LRRC28: variants seen among roughly 807,000 people sequenced by gnomAD.
LRRC28 encodes the protein leucine rich repeat containing 28.
LRRC28 carries 39 observed loss-of-function variants against 45.7 expected under a neutral mutation model. The ratio of observed to expected loss-of-function variants is 0.85; its 90% CI spans 0.66 to 1.12. LRRC28 has a LOEUF of 1.12. Among genes scored for constraint, LRRC28 ranks in the 50% most tolerant of loss-of-function variants. The pLI is 0.00. For missense variants in LRRC28, 435 were observed against 438.5 expected (o/e 0.99, Z 0.07); for synonymous variants, 206 against 178.8 (o/e 1.15, Z -1.22).
chr15:99,299,672 A>G (rs2082348886), intron 5 of LRRC28, among the ~76,000 whole-genome samples: 1 of 152,224 alleles, frequency 6.6e-6, no homozygotes, highest in Non-Finnish European at 1.5e-5. Context: ...CCAAGGGTCA[A>G]TGTAATGAGA....
At chr15:99,267,232 G>T (rs995136094) in intron 2 of LRRC28, among the ~76,000 whole-genome samples, 1 of 152,154 alleles carries the variant, frequency 6.6e-6, no homozygotes, top group Non-Finnish European at 1.5e-5. Context: ...GGTGAGAGAG[G>T]TTGATGGCTA....
intron 2 of LRRC28, among the ~76,000 whole-genome samples, chr15:99,270,487 G>C (rs1056415141): frequency 1.3e-5 from 2 of 149,034 alleles, no homozygotes; most frequent in South Asian, 2.1e-4. Context: ...TTTCTCTCTG[G>C]GTTAACTCTA....
intron 2 of LRRC28, among the ~76,000 whole-genome samples, chr15:99,266,174 G>A (rs1457626412): frequency 6.6e-6 from 1 of 152,132 alleles, no homozygotes; most frequent in Non-Finnish European, 1.5e-5. Flanking sequence ...TTCCTGAATT[G>A]GGCTGGGAAA....
chr15:99,269,980 C>G (rs964484526), intron 2 of LRRC28, among the ~76,000 whole-genome samples: 2 of 152,168 alleles, frequency 1.3e-5, no homozygotes, highest in Non-Finnish European at 2.9e-5. Flanking sequence ...CATTAGCCTG[C>G]TAGGGTTTCT....
chr15:99,383,825 C>G (rs1051380200), intron 9 of LRRC28, among the ~76,000 whole-genome samples: 1 of 152,148 alleles, frequency 6.6e-6, no homozygotes, highest in African/African-American at 2.4e-5. Flanking sequence ...CATTTATCCT[C>G]CCTCTAGAAT....
At chr15:99,360,092 G>A (rs1297542448) in intron 7 of LRRC28, among the ~76,000 whole-genome samples, 2 of 152,074 alleles carry the variant, frequency 1.3e-5, no homozygotes, top group African/African-American at 4.8e-5. Flanking sequence ...ACACCTAACA[G>A]TCTTCCCCGT....
rs961636272 is a variant in LRRC28, at chr15:99,257,802, T to C, written c.168+1677T>C. On this transcript the variant is annotated intron_variant, in intron 2 of 9. Coordinates refer to ENST00000301981, the MANE Select transcript of LRRC28 (RefSeq NM_144598.5). Reference sequence around the variant, plus strand: ...ACAGAGAGAGGAAGAAGCTATTCAGTTGGATAAATTAAATGCATCACAAAT... The same window carrying C: ...ACAGAGAGAGGAAGAAGCTATTCAGCTGGATAAATTAAATGCATCACAAAT... 2.4e-5 allele frequency: 19 copies of C among 780,288 alleles called. No individual in the cohort carries two copies. In the African/African-American group the frequency reaches 2.9e-4, roughly 12 times the overall value. The allele number at this position is 780,288 out of a possible 1,614,324, so 48.3% of individuals were successfully genotyped here.
chr15:99,365,954 A>T (rs906554490), intron 9 of LRRC28, among the ~76,000 whole-genome samples: 6 of 152,244 alleles, frequency 3.9e-5, no homozygotes, highest in African/African-American at 1.2e-4. Flanking sequence ...TTCATTTATT[A>T]AAATGGAGAA....
At chr15:99,286,516 A>C (rs974945357) in intron 3 of LRRC28, among the ~76,000 whole-genome samples, 1 of 152,212 alleles carries the variant, frequency 6.6e-6, no homozygotes, top group African/African-American at 2.4e-5. Flanking sequence ...CAATGATATA[A>C]ATTTATTTTC....
At chr15:99,259,526 C>T in intron 2 of LRRC28, 1 of 1,185,748 alleles carries the variant, frequency 8.4e-7, no homozygotes, top group Admixed American at 1.7e-5. Context: ...TATGGTATCT[C>T]AGTGCCTGAC....
chr15:99,298,707 G>T (rs1485974527), intron 5 of LRRC28, among the ~76,000 whole-genome samples: 2 of 152,072 alleles, frequency 1.3e-5, no homozygotes, highest in African/African-American at 4.8e-5. Context: ...CTATTAATAA[G>T]ACTTCAGAGG....
chr15:99,296,541 T>TA (rs2082268243), intron 5 of LRRC28, among the ~76,000 whole-genome samples: 1 of 152,186 alleles, frequency 6.6e-6, no homozygotes, highest in East Asian at 1.9e-4. Flanking sequence ...CTTCTCTCAC[T>TA]AAAAAAGAAT....
intron 9 of LRRC28, among the ~76,000 whole-genome samples, chr15:99,373,252 A>G (rs188314045): frequency 6.6e-6 from 1 of 152,288 alleles, no homozygotes; most frequent in East Asian, 1.9e-4. Context: ...GAATCCCCCA[A>G]AATGCACTTT....
At chr15:99,315,756 G>A (rs1567655497) in intron 5 of LRRC28, among the ~76,000 whole-genome samples, 1 of 152,116 alleles carries the variant, frequency 6.6e-6, no homozygotes, top group African/African-American at 2.4e-5. Context: ...CATGATTAAG[G>A]TAAGGTATCA....
intron 7 of LRRC28, among the ~76,000 whole-genome samples, chr15:99,358,433 T>A (rs973604419): frequency 1.3e-5 from 2 of 152,142 alleles, no homozygotes; most frequent in Non-Finnish European, 2.9e-5. Flanking sequence ...GAAATAGAGA[T>A]AAAATAATTG....
chr15:99,354,092 ATAG>A (rs930967274), intron 7 of LRRC28: 3 of 152,218 alleles, frequency 2.0e-5, no homozygotes, highest in Non-Finnish European at 2.9e-5. Flanking sequence ...CAGTTTTCTA[ATAG>A]TAGTATTGAG....
intron 9 of LRRC28, among the ~76,000 whole-genome samples, chr15:99,380,109 G>T (rs544684812): frequency 1.3e-5 from 2 of 152,220 alleles, no homozygotes; most frequent in African/African-American, 4.8e-5. Flanking sequence ...TTTCTGTCTC[G>T]TTGATCTGTC....
chr15:99,305,551 A>G (rs1425841107), intron 5 of LRRC28, among the ~76,000 whole-genome samples: 6 of 152,184 alleles, frequency 3.9e-5, no homozygotes, highest in Non-Finnish European at 7.4e-5. Flanking sequence ...TGATATCGCT[A>G]AAACTAAAAT....
At chr15:99,305,472 T>G (rs1955149680) in intron 5 of LRRC28, among the ~76,000 whole-genome samples, 1 of 152,210 alleles carries the variant, frequency 6.6e-6, no homozygotes, top group African/African-American at 2.4e-5. Flanking sequence ...GAATGCTACT[T>G]TGAAATTAAT....
Sources: gnomAD v4.1 joint callset for allele counts (sites outside exome capture counted in the v4.1 genomes callset) on GRCh38, gnomAD v4.1.1 for gene constraint, MANE v1.5 for transcripts, NCBI Gene and HGNC (gene_info 2026-07-23, HGNC 2026-07-21) for gene names.